The following PLCXD1 variants were observed in gnomAD, a reference collection of about 807,000 sequenced individuals.
PLCXD1 encodes PI-PLC X domain-containing protein 1.
PLCXD1 carries 45 observed loss-of-function variants against 37.8 expected under a neutral mutation model. The observed-to-expected ratio is 1.19, with a 90% confidence interval of 0.94 to 1.53. PLCXD1 has a LOEUF of 1.53. Ranked by LOEUF, PLCXD1 falls within the 40% of genes most tolerant of loss-of-function variation. The pLI is 0.00. For synonymous variants in PLCXD1, 246 were observed against 206.9 expected (o/e 1.19, Z -1.62); for missense variants, 539 against 454.7 (o/e 1.19, Z -1.69).
intron 6 of PLCXD1, among the ~76,000 whole-genome samples, chrX:295,040 T>G (rs1164588994): frequency 6.0e-5 from 9 of 149,958 alleles, no homozygotes; most frequent in Non-Finnish European, 8.9e-5. Flanking sequence ...CGTGGTTGTG[T>G]GCACCTGTAA....
intron 2 of PLCXD1, among the ~76,000 whole-genome samples, chrX:284,550 ATGCACACATG>A (rs1463179746): frequency 6.6e-6 from 1 of 151,674 alleles, no homozygotes; most frequent in Non-Finnish European, 1.5e-5. Flanking sequence ...ACACACAGGC[ATGCACACATG>A]TGCACACATA....
At position 299,236 on chromosome X, in the gene PLCXD1, G is replaced by C. The variant is rs748487331; in HGVS notation, c.873G>C (p.Pro291=). 1.2e-6 allele frequency: 2 copies of C among 1,613,780 alleles called. No individual in the cohort carries two copies. Among genetic ancestry groups the C allele is most frequent in the East Asian group, 4.5e-5 (2 of 44,888 alleles). ...GGGTCCGAGAGCAGTGCCCGGGGCC[G>C]GGTTCACGGTGCACCAACATCATCG... ...SAWVREQCPG[P]GSRCTNIIAG... is the part of the protein sequence containing the mutation. Residue 291 remains proline, a synonymous_variant, in exon 7 of 7, where the codon CCG becomes CCC. Transcript: ENST00000381657.
intron 6 of PLCXD1, among the ~76,000 whole-genome samples, chrX:293,826 A>G (rs976264977): frequency 3.9e-5 from 6 of 152,220 alleles, no homozygotes; most frequent in African/African-American, 1.2e-4. Context: ...GAACATGCCA[A>G]TCCAGAGACA....
chrX:289,915 C>G (rs1214035530), intron 3 of PLCXD1, among the ~76,000 whole-genome samples: 2 of 152,116 alleles, frequency 1.3e-5, no homozygotes, highest in Admixed American at 6.6e-5. Flanking sequence ...ATCTGCTAGT[C>G]CCTGGGAAAC....
chrX:297,420 C>A (rs866440034), intron 6 of PLCXD1, among the ~76,000 whole-genome samples: 4 of 42,432 alleles, frequency 9.4e-5, no homozygotes, highest in African/African-American at 2.9e-4. Context: ...TATTCTGTCT[C>A]CCACATGGGG....
intron 4 of PLCXD1, among the ~76,000 whole-genome samples, chrX:291,124 C>G (rs1324463251): frequency 1.3e-5 from 2 of 151,898 alleles, no homozygotes; most frequent in East Asian, 1.9e-4. Context: ...CCCCGCCAAT[C>G]CGTTACGGAG....
At chrX:292,282 C>T (rs1235832579) in intron 5 of PLCXD1, among the ~76,000 whole-genome samples, 9 of 151,792 alleles carry the variant, frequency 5.9e-5, no homozygotes, top group South Asian at 2.1e-4. Flanking sequence ...GGTGAAACCC[C>T]GTCTCTACTA....
rs753321736 is a variant in PLCXD1, at chrX:295,254, G to C, written c.733+2036G>C. Among the ~76,000 whole-genome samples the C allele has an allele frequency of 2.0e-5, 3 of 152,200 alleles. No individual in the cohort carries two copies. In the East Asian group the frequency reaches 5.8e-4, roughly 30 times the overall value. On this transcript the variant is annotated intron_variant, in intron 6 of 6. Transcript: ENST00000381657. ...AGCCACCGACGGGGTGTGAGGTGCA[G>C]ACAGCGTCGGCAGCCACGGCCCCGT...
chrX:279,755 C>G (rs2069222883), upstream of PLCXD1, among the ~76,000 whole-genome samples: 1 of 145,598 alleles, frequency 6.9e-6, no homozygotes, highest in African/African-American at 2.6e-5. Flanking sequence ...GTCTGCGCAA[C>G]AGAGCGAGAC....
intron 5 of PLCXD1, 40 bp downstream of exon 5, chrX:291,694 A>G (rs2069642316): frequency 6.2e-7 from 1 of 1,602,974 alleles, no homozygotes; most frequent in Non-Finnish European, 8.5e-7. Context: ...CTCCCGGGGC[A>G]GGGGCATCGT....
intron 6 of PLCXD1, among the ~76,000 whole-genome samples, chrX:294,318 T>TA (rs1280479321): frequency 6.6e-6 from 1 of 151,764 alleles, no homozygotes; most frequent in African/African-American, 2.4e-5. Flanking sequence ...CCGTCTCTAC[T>TA]AAAAATACAA....
chrX:296,561 G>A (rs1202318988), intron 6 of PLCXD1, among the ~76,000 whole-genome samples: 1 of 152,184 alleles, frequency 6.6e-6, no homozygotes, highest in Admixed American at 6.5e-5. Flanking sequence ...CTTCAAATAT[G>A]GCTTGCAGGA....
rs949021899 is a variant in PLCXD1, at chrX:290,635, C to T, written c.265-13C>T. On this transcript the variant is annotated splice_polypyrimidine_tract_variant and intron_variant, in intron 3 of 6. Coordinates refer to ENST00000381657, the MANE Select transcript of PLCXD1 (RefSeq NM_018390.4). ...CTCAGCCAGGCAGACATGACAGCAG[C>T]CTCTGTCCACAGGCACTGGACGTCA... The T allele has an allele frequency of 6.2e-7, 1 of 1,613,416 alleles. No individual in the cohort carries two copies. Among genetic ancestry groups the T allele is most frequent in the African/African-American group, 1.3e-5 (1 of 75,030 alleles).
chrX:296,997 CGTG>C (rs2069837205), intron 6 of PLCXD1, among the ~76,000 whole-genome samples: 1 of 56,744 alleles, frequency 1.8e-5, no homozygotes, highest in African/African-American at 1.7e-4. Context: ...GGGATTAGGA[CGTG>C]GACATCTTTG....
At chrX:278,431 A>C (rs1156830246), upstream of PLCXD1, among the ~76,000 whole-genome samples, 1 of 152,132 alleles carries the variant, frequency 6.6e-6, no homozygotes, top group Non-Finnish European at 1.5e-5. Flanking sequence ...GACAGGTCTC[A>C]GGACATTTAG....
upstream of PLCXD1, among the ~76,000 whole-genome samples, chrX:278,286 G>C (rs1228553384): frequency 6.6e-6 from 1 of 152,046 alleles, no homozygotes; most frequent in East Asian, 1.9e-4. Flanking sequence ...ACTGTGATGG[G>C]AGGGAGGGAG....
chrX:299,280 C>T lies in PLCXD1; in HGVS notation c.917C>T (p.Ala306Val). The T allele has an allele frequency of 6.2e-7, 1 of 1,613,898 alleles. No homozygotes were observed. Among genetic ancestry groups the T allele is most frequent in the East Asian group, 2.2e-5 (1 of 44,866 alleles). Reference sequence around the variant, plus strand: ...ATCATCGCGGGGGACTTCATCGGCGCAGACGGCTTCGTCAGTGACGTCATC... The same window carrying T: ...ATCATCGCGGGGGACTTCATCGGCGTAGACGGCTTCGTCAGTGACGTCATC... Reference protein sequence around the residue: ...TNIIAGDFIGADGFVSDVIAL... With the variant: ...TNIIAGDFIGVDGFVSDVIAL... Residue 306 changes from alanine to valine, a missense_variant, in exon 7 of 7, where the codon GCA becomes GTA. Coordinates refer to ENST00000381657, the MANE Select transcript of PLCXD1 (RefSeq NM_018390.4).
intron 6 of PLCXD1, among the ~76,000 whole-genome samples, chrX:294,579 A>G (rs1324185983): frequency 6.6e-6 from 1 of 150,980 alleles, no homozygotes; most frequent in Non-Finnish European, 1.5e-5. Context: ...GCTGTGATCC[A>G]TGGTCGCGCC....
intron 2 of PLCXD1, among the ~76,000 whole-genome samples, chrX:286,781 C>T (rs1310322890): frequency 2.6e-5 from 4 of 152,090 alleles, no homozygotes; most frequent in Non-Finnish European, 5.9e-5. Context: ...GTGGTGGTGC[C>T]AAGGTTGTCT....
Sources: gnomAD v4.1 joint callset for allele counts (sites outside exome capture counted in the v4.1 genomes callset) on GRCh38, gnomAD v4.1.1 for gene constraint, MANE v1.5 for transcripts, NCBI Gene and HGNC (gene_info 2026-07-23, HGNC 2026-07-21) for gene names.